The following NBEA variants were observed in gnomAD, a reference collection of about 807,000 sequenced individuals.
NBEA encodes lysosomal-trafficking regulator 2.
In NBEA, 44 loss-of-function variants were observed where a neutral mutation model predicts 343.4. The observed-to-expected ratio is 0.13, with a 90% CI of 0.10 to 0.16. The LOEUF (loss-of-function observed/expected upper bound fraction) is 0.16, where lower values mean the gene tolerates loss of function less well. NBEA is among the 10% of genes least tolerant of loss of function. The pLI, the probability that NBEA is intolerant of heterozygous loss-of-function variation, is 1.00. For missense variants in NBEA, 2,555 were observed against 3,631.3 expected (o/e 0.70, Z 7.62); for synonymous variants, 1,175 against 1,238.7 (o/e 0.95, Z 1.08).
Position 35,159,311 on chromosome 13 carries a change from G to T in NBEA, c.3140G>T (p.Gly1047Val). The T allele has an allele frequency of 6.2e-7, 1 of 1,613,572 alleles. No individual in the cohort carries two copies. The highest frequency in any genetic ancestry group is 1.1e-5 in the South Asian group (1 of 91,074). Residue 1047 changes from glycine to valine, a missense_variant, in exon 22 of 59, where the codon GGT becomes GTT. Coordinates refer to ENST00000379939, the MANE Select transcript of NBEA (RefSeq NM_001385012.1). ...GGAAATTCAGATAGACCAGGAAGTG[G>T]TGTACATGTGGAAGTACATGATCTT... ...ILGNSDRPGS[G>V]VHVEVHDLLV...
intron 1 of NBEA, among the ~76,000 whole-genome samples, chr13:34,960,996 C>T (rs2059643693): frequency 6.6e-6 from 1 of 151,920 alleles, no homozygotes; most frequent in Non-Finnish European, 1.5e-5. Context: ...AATTATGCTG[C>T]CAAACTCTGA....
At chr13:35,000,855 T>C (rs1282159157) in intron 1 of NBEA, among the ~76,000 whole-genome samples, 1 of 152,096 alleles carries the variant, frequency 6.6e-6, no homozygotes, top group Non-Finnish European at 1.5e-5. Flanking sequence ...ATTAAATTTG[T>C]TTTTTTACTT....
At chr13:35,486,977 C>T (rs1046868169) in intron 41 of NBEA, among the ~76,000 whole-genome samples, 11 of 151,816 alleles carry the variant, frequency 7.2e-5, no homozygotes, top group Non-Finnish European at 1.5e-4. Flanking sequence ...GCAATTATTT[C>T]AATAATTACT....
At chr13:35,269,140 G>T (rs1738361423) in intron 34 of NBEA, among the ~76,000 whole-genome samples, 1 of 151,976 alleles carries the variant, frequency 6.6e-6, no homozygotes, top group South Asian at 2.1e-4. Flanking sequence ...CTTATGATGG[G>T]GTTACATACC....
intron 36 of NBEA, among the ~76,000 whole-genome samples, chr13:35,329,917 C>G: frequency 6.6e-6 from 1 of 152,016 alleles, no homozygotes; most frequent in Non-Finnish European, 1.5e-5. Flanking sequence ...ACTTCTCACA[C>G]TGAATTAGGA....
rs576674947 is a variant in NBEA, at chr13:35,200,476, G to C, written c.5366+4174G>C. On this transcript the variant is annotated intron_variant, in intron 31 of 58. Coordinates refer to ENST00000379939, the MANE Select transcript of NBEA (RefSeq NM_001385012.1). ...CAAAAGACAAAAAAAAAAAAAAATA[G>C]AGGGCAATGTGCTTCTCATACATTT... Among the ~76,000 whole-genome samples the C allele has an allele frequency of 3.3e-4, 45 of 136,690 alleles. No homozygotes were observed. In the East Asian group the frequency reaches 7.3e-3, roughly 22 times the overall value. 89.7% of individuals were successfully genotyped at this position (136,690 alleles called of 152,430 possible).
intron 38 of NBEA, among the ~76,000 whole-genome samples, chr13:35,395,561 A>C (rs2042705344): frequency 1.3e-5 from 2 of 152,136 alleles, no homozygotes; most frequent in Non-Finnish European, 2.9e-5. Context: ...TCTTTACAGT[A>C]GTGCAAGAAT....
intron 33 of NBEA, among the ~76,000 whole-genome samples, chr13:35,219,354 A>G (rs2074238601): frequency 6.6e-6 from 1 of 152,142 alleles, no homozygotes; most frequent in Non-Finnish European, 1.5e-5. Flanking sequence ...TCCTTAGTGC[A>G]GTAGTTTTCT....
At chr13:35,304,779 G>T (rs1205588168) in intron 35 of NBEA, among the ~76,000 whole-genome samples, 2 of 151,812 alleles carry the variant, frequency 1.3e-5, no homozygotes, top group African/African-American at 4.8e-5. Context: ...TATTTACTGT[G>T]TGTATTTTAA....
chr13:35,419,813 C>T (rs1033441881), intron 38 of NBEA, among the ~76,000 whole-genome samples: 1 of 151,864 alleles, frequency 6.6e-6, no homozygotes, highest in South Asian at 2.1e-4. Context: ...CCCAGAATAA[C>T]CTGAGGTGCA....
intron 41 of NBEA, among the ~76,000 whole-genome samples, chr13:35,514,263 G>C (rs1179691524): frequency 6.6e-6 from 1 of 152,184 alleles, no homozygotes; most frequent in African/African-American, 2.4e-5. Context: ...GATGTGAAAT[G>C]ACGAGGGCTT....
intron 9 of NBEA, among the ~76,000 whole-genome samples, chr13:35,070,382 T>C (rs1403196995): frequency 1.3e-5 from 2 of 152,110 alleles, no homozygotes; most frequent in Non-Finnish European, 2.9e-5. Context: ...TTGTTAGATA[T>C]AAAAACATAC....
chr13:34,980,015 T>C (rs4943292), intron 1 of NBEA, among the ~76,000 whole-genome samples: 47,288 of 152,148 alleles, frequency 0.31, 8,236 homozygotes, highest in Middle Eastern at 0.52. Flanking sequence ...TTGAATGATG[T>C]GTAAGTATGA....
intron 8 of NBEA, among the ~76,000 whole-genome samples, chr13:35,062,645 A>C (rs1277212116): frequency 1.3e-5 from 2 of 151,962 alleles, no homozygotes; most frequent in South Asian, 4.1e-4. Context: ...ATCTGTACAC[A>C]TCTCATCAGA....
chr13:34,996,916 T>C (rs1004465799), intron 1 of NBEA, among the ~76,000 whole-genome samples: 9 of 152,140 alleles, frequency 5.9e-5, no homozygotes, highest in Non-Finnish European at 1.3e-4. Context: ...ATTGTAAACA[T>C]CTGACATTTG....
chr13:34,967,120 C>G (rs923501675), intron 1 of NBEA, among the ~76,000 whole-genome samples: 34 of 151,812 alleles, frequency 2.2e-4, no homozygotes, highest in Admixed American at 1.2e-3. Flanking sequence ...ATTTATATTA[C>G]TTTTCATTTT....
At chr13:35,408,857 T>C (rs984488400) in intron 38 of NBEA, among the ~76,000 whole-genome samples, 4 of 152,104 alleles carry the variant, frequency 2.6e-5, no homozygotes, top group African/African-American at 9.7e-5. Flanking sequence ...CAACAGATGC[T>C]GGTGAGGTAG....
chr13:35,159,403 C>G lies in NBEA; in HGVS notation c.3232C>G (p.Pro1078Ala). 1 of 1,613,274 alleles carries G rather than the reference C, an allele frequency of 6.2e-7. No homozygotes were observed. The highest frequency in any genetic ancestry group is 8.5e-7 in the Non-Finnish European group (1 of 1,179,636). The change falls in exon 22 of 59, where the codon CCG becomes GCG. Residue 1078 changes from proline to alanine, a missense_variant. Physicochemically the swap from Pro to Ala is conservative, Grantham distance 27. Coordinates refer to ENST00000379939, the MANE Select transcript of NBEA (RefSeq NM_001385012.1). ...EVKLDDMDLS[P>A]ETLVGGENGA... ...AAAGCTCGATGATATGGATTTATCA[C>G]CGGAGACTTTAGTAGGTGGAGAGAA...
At chr13:35,213,821 A>G (rs1372546684) in intron 33 of NBEA, among the ~76,000 whole-genome samples, 2 of 152,004 alleles carry the variant, frequency 1.3e-5, no homozygotes, top group East Asian at 3.9e-4. Context: ...TGATTAGTTT[A>G]TGCATCCACA....
Sources: gnomAD v4.1 joint callset for allele counts (sites outside exome capture counted in the v4.1 genomes callset) on GRCh38, gnomAD v4.1.1 for gene constraint, MANE v1.5 for transcripts, NCBI Gene and HGNC (gene_info 2026-07-23, HGNC 2026-07-21) for gene names.